The following GRID2 variants were observed in gnomAD, a reference collection of about 807,000 sequenced individuals.
GRID2 encodes glutamate ionotropic receptor delta type subunit 2, also known as glutamate receptor ionotropic, delta-2.
GRID2 carries 33 observed loss-of-function variants against 114.8 expected under a neutral mutation model. That is an observed-to-expected ratio of 0.29 (90% CI 0.22 to 0.38). The LOEUF (loss-of-function observed/expected upper bound fraction) is 0.38, where lower values mean the gene tolerates loss of function less well. Ranked by LOEUF, GRID2 falls within the 10% of genes least tolerant of loss-of-function variation. The pLI is 1.00. For missense variants in GRID2, 1,184 were observed against 1,257.7 expected (o/e 0.94, Z 0.89); for synonymous variants, 505 against 449.9 (o/e 1.12, Z -1.55).
intron 6 of GRID2, among the ~76,000 whole-genome samples, chr4:93,218,173 C>T (rs1274570689): frequency 6.6e-6 from 1 of 152,016 alleles, no homozygotes; most frequent in Non-Finnish European, 1.5e-5. Context: ...CTGTAACTTT[C>T]TGTTGCCTAC....
chr4:93,040,240 G>T (rs1725376851), intron 2 of GRID2, among the ~76,000 whole-genome samples: 1 of 151,372 alleles, frequency 6.6e-6, no homozygotes, highest in South Asian at 2.1e-4. Flanking sequence ...TGATGTGTTT[G>T]GGAAGCAACC....
At chr4:92,447,369 G>T (rs546342228) in intron 1 of GRID2, among the ~76,000 whole-genome samples, 139 of 152,294 alleles carry the variant, frequency 9.1e-4, no homozygotes, top group African/African-American at 3.0e-3. Flanking sequence ...ACTATTGGCA[G>T]ACCTTCTAAG....
chr4:93,420,443 C>T (rs1768144330), intron 9 of GRID2, among the ~76,000 whole-genome samples: 2 of 152,124 alleles, frequency 1.3e-5, no homozygotes, highest in South Asian at 4.2e-4. Flanking sequence ...CAAATTCTGC[C>T]AATTGTGTAA....
intron 8 of GRID2, among the ~76,000 whole-genome samples, chr4:93,307,396 ATT>A (rs61007934): frequency 6.7e-6 from 1 of 149,262 alleles, no homozygotes; most frequent in African/African-American, 2.5e-5. Context: ...TTTTCTCGTC[ATT>A]TTTTTTTTCC....
intron 2 of GRID2, among the ~76,000 whole-genome samples, chr4:92,723,645 T>C (rs1735918249): frequency 1.3e-5 from 2 of 152,158 alleles, no homozygotes; most frequent in Admixed American, 1.3e-4. Context: ...CCTTTCAGAA[T>C]TGCTGTTTCT....
At chr4:93,247,397 T>C (rs115814564) in intron 8 of GRID2, among the ~76,000 whole-genome samples, 4,562 of 152,236 alleles carry the variant, frequency 0.03, 99 homozygotes, top group Non-Finnish European at 0.046. Flanking sequence ...ATCCAATCTG[T>C]TGGGGAACTG....
intron 2 of GRID2, among the ~76,000 whole-genome samples, chr4:92,687,215 A>C (rs2149289564): frequency 6.7e-6 from 1 of 149,860 alleles, no homozygotes; most frequent in Non-Finnish European, 1.5e-5. Context: ...AGGCCCGTGT[A>C]CTTGCAATTG....
At position 92,733,985 on chromosome 4, in the gene GRID2, A is replaced by T. The variant is rs76560932; in HGVS notation, c.244+143699A>T. On this transcript the variant is annotated intron_variant, in intron 2 of 15. Transcript: ENST00000282020. The stretch of plus-strand genomic sequence containing the variant: ...CTTCCAATTATGTGTGAAAGGGAAG[A>T]TCTATCCACCACATCCAAGGAGAAG... Among the ~76,000 whole-genome samples the T allele has an allele frequency of 5.3e-5, 8 of 152,058 alleles. No homozygotes were observed. In the East Asian group the frequency reaches 1.6e-3, roughly 29 times the overall value.
chr4:92,306,901 A>C (rs1258417871), intron 1 of GRID2, among the ~76,000 whole-genome samples: 2 of 152,198 alleles, frequency 1.3e-5, no homozygotes, highest in African/African-American at 4.8e-5. Flanking sequence ...ATTTGACTTG[A>C]ATATAATTAG....
chr4:92,315,310 A>ATT (rs1725909755), intron 1 of GRID2, among the ~76,000 whole-genome samples: 1 of 152,168 alleles, frequency 6.6e-6, no homozygotes, highest in African/African-American at 2.4e-5. Context: ...ACATCTGTTA[A>ATT]TTGATATGTA....
intron 2 of GRID2, among the ~76,000 whole-genome samples, chr4:92,863,928 A>G (rs919362196): frequency 6.6e-5 from 10 of 152,150 alleles, no homozygotes; most frequent in Non-Finnish European, 1.2e-4. Context: ...AGTCTCAGCC[A>G]TTCAGTTCAA....
At position 92,676,241 on chromosome 4, in the gene GRID2, C is replaced by T. The variant is rs1479298786; in HGVS notation, c.244+85955C>T. Among the ~76,000 whole-genome samples the T allele has an allele frequency of 1.8e-3, 29 of 15,882 alleles. 1 individual carries two copies. In the East Asian group the frequency reaches 0.048, roughly 26 times the overall value. The allele number at this position is 15,882 out of a possible 152,430, so 10.4% of individuals were successfully genotyped here. ...TGTCGCCCAGGCTGGAGTGCAGTGG[C>T]GCTATCTCGGCTCACTGCAAGTCCG... is the stretch of plus-strand genomic sequence containing the variant. On this transcript the variant is annotated intron_variant, in intron 2 of 15. Coordinates refer to ENST00000282020, the MANE Select transcript of GRID2 (RefSeq NM_001510.4).
At chr4:92,446,571 T>A (rs1009101469) in intron 1 of GRID2, among the ~76,000 whole-genome samples, 15 of 152,226 alleles carry the variant, frequency 9.9e-5, no homozygotes, top group African/African-American at 3.4e-4. Context: ...TATGGGAGAT[T>A]CAATCTGAAT....
chr4:93,632,628 T>C (rs1721023503), intron 14 of GRID2, among the ~76,000 whole-genome samples: 1 of 152,180 alleles, frequency 6.6e-6, no homozygotes, highest in Non-Finnish European at 1.5e-5. Flanking sequence ...AGACTTGTAG[T>C]ATAGTTTGAA....
In GRID2 at chr4:92,799,277, T is replaced by C. The variant is rs182400086; in HGVS notation, c.244+208991T>C. 6.6e-3 allele frequency among the ~76,000 whole-genome samples: 996 copies of C among 151,996 alleles called. 27 individuals carry two copies. The highest frequency in any genetic ancestry group is 0.057 in the Admixed American group (865 of 15,236). Reference sequence around the variant, plus strand: ...CATGCACAGTTTGCAATAAGGTCGGTGCTCCTGTGATAACCTAATGCTGCT... The same window carrying C: ...CATGCACAGTTTGCAATAAGGTCGGCGCTCCTGTGATAACCTAATGCTGCT... On this transcript the variant is annotated intron_variant, in intron 2 of 15. Transcript: ENST00000282020.
chr4:93,556,640 T>C (rs1219828786), intron 13 of GRID2, among the ~76,000 whole-genome samples: 1 of 152,132 alleles, frequency 6.6e-6, no homozygotes. Flanking sequence ...TACCTCAATG[T>C]GACAGGGAGA....
At chr4:93,380,931 T>C (rs1763795632) in intron 8 of GRID2, among the ~76,000 whole-genome samples, 1 of 152,092 alleles carries the variant, frequency 6.6e-6, no homozygotes, top group African/African-American at 2.4e-5. Context: ...GGTAAGAGGA[T>C]TGAAGATGGT....
intron 1 of GRID2, among the ~76,000 whole-genome samples, chr4:92,345,180 T>C (rs909321211): frequency 5.3e-5 from 8 of 152,016 alleles, no homozygotes; most frequent in African/African-American, 1.9e-4. Flanking sequence ...AATAATAGCT[T>C]CCAGCTCTTA....
At chr4:93,011,382 G>T (rs1311418527) in intron 2 of GRID2, among the ~76,000 whole-genome samples, 1 of 151,886 alleles carries the variant, frequency 6.6e-6, no homozygotes, top group Non-Finnish European at 1.5e-5. Context: ...TATATCACCT[G>T]CCAGTAGTGA....
Sources: gnomAD v4.1 joint callset for allele counts (sites outside exome capture counted in the v4.1 genomes callset) on GRCh38, gnomAD v4.1.1 for gene constraint, MANE v1.5 for transcripts, NCBI Gene and HGNC (gene_info 2026-07-23, HGNC 2026-07-21) for gene names.